The following DOK5 variants were observed in gnomAD, a reference collection of about 807,000 sequenced individuals.
DOK5 encodes the protein downstream of tyrosine kinase 5.
In DOK5, 27 loss-of-function variants were observed where a neutral mutation model predicts 43.3. That is an observed-to-expected ratio of 0.62 (90% CI 0.46 to 0.86). The LOEUF (loss-of-function observed/expected upper bound fraction) is 0.86, where lower values mean the gene tolerates loss of function less well. DOK5 is among the 40% of genes least tolerant of loss of function. The pLI, the probability that DOK5 is intolerant of heterozygous loss-of-function variation, is 0.00. For missense variants in DOK5, 373 were observed against 392.9 expected, an observed-to-expected ratio of 0.95 and a Z score of 0.43; for synonymous variants, 146 against 140.1, an observed-to-expected ratio of 1.04 and a Z score of -0.30.
In DOK5 at chr20:54,645,025, T is replaced by TTTG. The variant is rs1491431621; in HGVS notation, c.856+1447_856+1448insTTG. On this transcript the variant is annotated intron_variant, in intron 7 of 7. Coordinates refer to ENST00000262593, the MANE Select transcript of DOK5 (RefSeq NM_018431.5). Reference sequence around the variant, plus strand: ...TTTTTTTTTTTTTTTTTTTTTTTTTTGAGACAGAGTCTCGCTCTGTCGCCC... The same window carrying TTTG: ...TTTTTTTTTTTTTTTTTTTTTTTTTTTTGGAGACAGAGTCTCGCTCTGTCGCCC... Among the ~76,000 whole-genome samples the TTTG allele has an allele frequency of 3.1e-3, 284 of 90,812 alleles. 38 individuals carry two copies. Among genetic ancestry groups the TTTG allele is most frequent in the Middle Eastern group, 6.5e-3 (1 of 154 alleles). The allele number at this position is 90,812 out of a possible 152,430, so 59.6% of individuals were successfully genotyped here. A position where few individuals can be genotyped will look rare whatever the true frequency, so the allele number is the denominator to read the frequency against.
At chr20:54,614,765 T>G (rs1369802825) in intron 6 of DOK5, among the ~76,000 whole-genome samples, 1 of 152,216 alleles carries the variant, frequency 6.6e-6, no homozygotes, top group African/African-American at 2.4e-5. Flanking sequence ...ATGAGTAAGC[T>G]TCAACATGGA....
At chr20:54,602,980 A>G (rs983240156) in intron 5 of DOK5, among the ~76,000 whole-genome samples, 3 of 152,128 alleles carry the variant, frequency 2.0e-5, no homozygotes, top group Admixed American at 6.5e-5. Context: ...CTTTTAATGT[A>G]TTTTTTAAGT....
intron 7 of DOK5, among the ~76,000 whole-genome samples, chr20:54,647,524 C>A (rs6014104): frequency 0.51 from 72,497 of 142,074 alleles, 17,834 homozygotes; most frequent in Middle Eastern, 0.69. Context: ...AAAAAAAAAA[C>A]AAAAAAACTA....
intron 1 of DOK5, among the ~76,000 whole-genome samples, chr20:54,539,850 T>C (rs764248248): frequency 6.6e-6 from 1 of 152,228 alleles, no homozygotes; most frequent in Non-Finnish European, 1.5e-5. Flanking sequence ...TTTGGAATGA[T>C]TGGTTATGCA....
At chr20:54,486,857 T>C (rs912676528) in intron 1 of DOK5, among the ~76,000 whole-genome samples, 1 of 152,322 alleles carries the variant, frequency 6.6e-6, no homozygotes, top group South Asian at 2.1e-4. Context: ...GGTAAGAGGT[T>C]GAAATGATAT....
intron 6 of DOK5, among the ~76,000 whole-genome samples, chr20:54,622,274 A>G (rs1031561660): frequency 6.6e-6 from 1 of 152,228 alleles, no homozygotes; most frequent in Admixed American, 6.5e-5. Context: ...GACATTTAAC[A>G]GAGACCAAAC....
intron 1 of DOK5, among the ~76,000 whole-genome samples, chr20:54,496,216 G>C (rs1338192394): frequency 6.6e-6 from 1 of 152,136 alleles, no homozygotes; most frequent in African/African-American, 2.4e-5. Flanking sequence ...GCATTCTAGG[G>C]AATTCGATCT....
rs542812132 is a variant in DOK5 at position 54,478,746 on chromosome 20, G to A, written c.66+2734G>A. Among the ~76,000 whole-genome samples the A allele has an allele frequency of 2.6e-5, 4 of 152,274 alleles. No individual in the cohort carries two copies. The South Asian group carries it at 6.2e-4, about 24-fold the overall frequency. ...GCCTCAGTTTCCTAGTCTGTACAAT[G>A]AACACTATTTAATGTTCTTGGGAGC... is the stretch of plus-strand genomic sequence containing the variant. On this transcript the variant is annotated intron_variant, in intron 1 of 7. Transcript: ENST00000262593.
At chr20:54,510,310 C>CTT (rs1323158023) in intron 1 of DOK5, among the ~76,000 whole-genome samples, 1 of 152,002 alleles carries the variant, frequency 6.6e-6, no homozygotes, top group Non-Finnish European at 1.5e-5. Context: ...ACACTTGACA[C>CTT]TTAATTTTAA....
At chr20:54,507,539 T>C (rs1040899333) in intron 1 of DOK5, among the ~76,000 whole-genome samples, 1 of 152,262 alleles carries the variant, frequency 6.6e-6, no homozygotes, top group Non-Finnish European at 1.5e-5. Flanking sequence ...GCACAATTCT[T>C]TTCAGCCTAG....
intron 2 of DOK5, among the ~76,000 whole-genome samples, chr20:54,563,318 T>C (rs570938122): frequency 6.6e-6 from 1 of 152,346 alleles, no homozygotes; most frequent in East Asian, 1.9e-4. Flanking sequence ...CATTCCCTGG[T>C]GTTCATTTTC....
At chr20:54,576,454 A>G (rs1415365356) in intron 2 of DOK5, among the ~76,000 whole-genome samples, 1 of 152,240 alleles carries the variant, frequency 6.6e-6, no homozygotes, top group African/African-American at 2.4e-5. Flanking sequence ...AAAGTTTTTA[A>G]AAGAAGGAAT....
chr20:54,542,944 A>G (rs940573207), intron 1 of DOK5, among the ~76,000 whole-genome samples: 2 of 152,242 alleles, frequency 1.3e-5, no homozygotes, highest in African/African-American at 4.8e-5. Context: ...TCTGAAACTC[A>G]GAAGATGGTA....
chr20:54,609,276 A>G (rs1454941134), intron 5 of DOK5, among the ~76,000 whole-genome samples: 1 of 152,232 alleles, frequency 6.6e-6, no homozygotes, highest in Non-Finnish European at 1.5e-5. Flanking sequence ...GCTACCGTTC[A>G]GTTTTTCAGC....
chr20:54,634,989 T>C (rs911429809), intron 6 of DOK5, among the ~76,000 whole-genome samples: 3 of 152,178 alleles, frequency 2.0e-5, no homozygotes, highest in Admixed American at 2.0e-4. Context: ...TTCAGCCAAC[T>C]GGAAGAACTC....
intron 1 of DOK5, among the ~76,000 whole-genome samples, chr20:54,512,758 C>A (rs2146688844): frequency 6.6e-6 from 1 of 152,338 alleles, no homozygotes; most frequent in African/African-American, 2.4e-5. Context: ...TCAGTCACTA[C>A]ATAGCTGCTG....
In DOK5 at chr20:54,590,598, A is replaced by C. The variant is rs185739168; in HGVS notation, c.410-1018A>C. Reference sequence around the variant, plus strand: ...AAATATTTGTTTATTGAGAATATGAAATAATTAAAAATTTTTGAATAGTAG... The same window carrying C: ...AAATATTTGTTTATTGAGAATATGACATAATTAAAAATTTTTGAATAGTAG... On this transcript the variant is annotated intron_variant, in intron 4 of 7. Coordinates refer to ENST00000262593, the MANE Select transcript of DOK5 (RefSeq NM_018431.5). 1.6e-3 allele frequency among the ~76,000 whole-genome samples: 239 copies of C among 152,294 alleles called. 5 individuals carry two copies. Among genetic ancestry groups the C allele is most frequent in the Admixed American group, 0.016 (237 of 15,282 alleles).
chr20:54,629,319 A>G (rs891624349), intron 6 of DOK5, among the ~76,000 whole-genome samples: 1 of 152,222 alleles, frequency 6.6e-6, no homozygotes, highest in African/African-American at 2.4e-5. Context: ...CAAGTGAGCG[A>G]GGAAGCTGTG....
At chr20:54,520,829 T>A (rs1356889635) in intron 1 of DOK5, among the ~76,000 whole-genome samples, 1 of 151,670 alleles carries the variant, frequency 6.6e-6, no homozygotes, top group Non-Finnish European at 1.5e-5. Flanking sequence ...ACATGTCTTA[T>A]ATTTTACGTA....
Sources: gnomAD v4.1 joint callset for allele counts (sites outside exome capture counted in the v4.1 genomes callset) on GRCh38, gnomAD v4.1.1 for gene constraint, MANE v1.5 for transcripts, NCBI Gene and HGNC (gene_info 2026-07-23, HGNC 2026-07-21) for gene names.